Variants in TSC22D4 observed in about 807,000 individuals in gnomAD.
TSC22D4 encodes TSC22 domain family member 4.
TSC22D4 carries 5 observed loss-of-function variants against 24.9 expected under a neutral mutation model. The observed-to-expected ratio is 0.20, with a 90% confidence interval of 0.10 to 0.42. The LOEUF is 0.42. TSC22D4 is among the 10% of genes least tolerant of loss of function. The pLI, the probability that TSC22D4 is intolerant of heterozygous loss-of-function variation, is 1.00. For synonymous variants in TSC22D4, 245 were observed against 243.2 expected, an observed-to-expected ratio of 1.01 and a Z score of -0.07; for missense variants, 469 against 547.9, an observed-to-expected ratio of 0.86 and a Z score of 1.44.
At position 100,467,108 on chromosome 7, in the gene TSC22D4, G is replaced by C; in HGVS notation, c.1039C>G (p.Gln347Glu). The C allele has an allele frequency of 6.2e-7, 1 of 1,614,156 alleles. No homozygotes were observed. The highest frequency in any genetic ancestry group is 8.5e-7 in the Non-Finnish European group (1 of 1,180,014). ...VREEVEVLKE[Q>E]IRELAERNAA... ...TTCCGCTCCGCCAATTCCCGGATCT[G>C]CTCCTTCAGCACCTCCACCTCCTCC... Residue 347 changes from glutamine (Q) to glutamate (E), a missense_variant, in exon 5 of 5, where the codon CAG becomes GAG. Coordinates refer to ENST00000300181, the MANE Select transcript of TSC22D4 (RefSeq NM_030935.5).
intron 1 of TSC22D4, among the ~76,000 whole-genome samples, 187 bp downstream of exon 1, chr7:100,478,607 G>A (rs1046243694): frequency 4.6e-5 from 7 of 152,064 alleles, no homozygotes; most frequent in Non-Finnish European, 8.8e-5. Flanking sequence ...CAGGGGGCCC[G>A]TATTGTCCCA....
chr7:100,478,310 G>T lies in TSC22D4; in HGVS notation c.-269-3C>A. The T allele has an allele frequency of 2.7e-6, 1 of 369,310 alleles. No homozygotes were observed. The highest frequency in any genetic ancestry group is 4.9e-6 in the Non-Finnish European group (1 of 204,098). 22.9% of individuals were successfully genotyped at this position (369,310 alleles called of 1,614,324 possible). On this transcript the variant is annotated splice_polypyrimidine_tract_variant and splice_region_variant and intron_variant, in intron 1 of 4. Coordinates refer to ENST00000300181, the MANE Select transcript of TSC22D4 (RefSeq NM_030935.5). ...AACTCCAGAGCTGAGTTTGCAAACT[G>T]GAAAAAGAGGGGGAGAGAGAGAGAG...
rs536376602 is a variant in TSC22D4, at chr7:100,478,033, G to A, written c.6C>T (p.Ser2=). Residue 2 remains serine (S), a synonymous_variant, in exon 2 of 5, where the codon AGC becomes AGT. Coordinates refer to ENST00000300181, the MANE Select transcript of TSC22D4 (RefSeq NM_030935.5). ...GGAAACTACTCTTCTTCTTGCCCCC[G>A]CTCATGGTCCCTGGGGCTCAGGGCT... M[S]GGKKKSSFQI... 7 of 1,592,230 alleles carry A rather than the reference G, an allele frequency of 4.4e-6. No homozygotes were observed. Among genetic ancestry groups the A allele is most frequent in the African/African-American group, 1.3e-5 (1 of 74,682 alleles).
In TSC22D4 at chr7:100,477,746, C is replaced by T. The variant is rs76850132; in HGVS notation, c.293G>A (p.Arg98Gln). The T allele has an allele frequency of 5.7e-4, 908 of 1,603,742 alleles. 20 individuals are homozygous for T. The East Asian group carries it at 0.02, about 35-fold the overall frequency. The change falls in exon 2 of 5, where the codon CGA (arginine) becomes CAA (glutamine). Residue 98 changes from arginine (R) to glutamine (Q), a missense_variant. Transcript: ENST00000300181. This position sits in a 1 kb window ranked among gnomAD's most constrained non-coding sequence, Gnocchi z 7.8. The part of the protein sequence containing the change: ...GRWTCVDVYE[R>Q]DLEPHSFGGL... ...GCCGAAGCTGTGGGGCTCCAGGTCT[C>T]GCTCATAAACATCCACACACGTCCA...
At chr7:100,475,093 C>G (rs1301635760) in intron 2 of TSC22D4, among the ~76,000 whole-genome samples, 1 of 152,082 alleles carries the variant, frequency 6.6e-6, no homozygotes, top group African/African-American at 2.4e-5. Flanking sequence ...CCACTCCCAG[C>G]CTGTGCCTTT....
rs377605423 is a variant in TSC22D4 at position 100,474,289 on chromosome 7, T to C, written c.914A>G (p.Asp305Gly). The change falls in exon 3 of 5, where the codon GAC becomes GGC. Residue 305 changes from aspartate to glycine, a missense_variant. By Grantham distance (94) the Asp-to-Gly change is moderately conservative. Coordinates refer to ENST00000300181, the MANE Select transcript of TSC22D4 (RefSeq NM_030935.5). This position sits in a 1 kb window ranked among gnomAD's most constrained non-coding sequence, Gnocchi z 4.3. ...HSMLAISGHL[D>G]SDDDSGSGSL... Reference sequence around the variant, plus strand: ...GCCCACCTACCTATCATCGTCGCTGTCTAGGTGACCACTGATGGCCAACAT... The same window carrying C: ...GCCCACCTACCTATCATCGTCGCTGCCTAGGTGACCACTGATGGCCAACAT... 1 of 1,614,022 alleles carries C rather than the reference T, an allele frequency of 6.2e-7. No homozygotes were observed. Among genetic ancestry groups the C allele is most frequent in the South Asian group, 1.1e-5 (1 of 91,080 alleles).
At chr7:100,471,520 A>G (rs957570257) in intron 3 of TSC22D4, among the ~76,000 whole-genome samples, 1 of 152,114 alleles carries the variant, frequency 6.6e-6, no homozygotes, top group African/African-American at 2.4e-5. Context: ...TGGGTGGATC[A>G]CCTGAGGTCA....
chr7:100,467,015 G>GCAGCTGAGC lies in TSC22D4; in HGVS notation c.1123_1131dup (p.Ala375_Leu377dup), dbSNP rs769707872. On this transcript the variant is annotated inframe_insertion, in exon 5 of 5. Transcript: ENST00000300181. ...CCAAGCCGTGGGACCCCCGAGGAGG[G>GCAGCTGAGC]CAGCTGAGCCAGCTGCTCCGGGCTG... The GCAGCTGAGC allele has an allele frequency of 7.5e-6, 12 of 1,609,734 alleles. No homozygotes were observed. Among genetic ancestry groups the GCAGCTGAGC allele is most frequent in the Non-Finnish European group, 1.0e-5 (12 of 1,178,204 alleles).
intron 3 of TSC22D4, chr7:100,467,927 C>A (rs754319951): frequency 2.2e-5 from 12 of 551,518 alleles, no homozygotes; most frequent in Admixed American, 4.5e-5. Context: ...TTGACAGAGA[C>A]CCCTGGCTGG....
rs200896384 is a variant in TSC22D4, at chr7:100,478,044, C to T, written c.-6G>A. 7.7e-5 allele frequency: 122 copies of T among 1,585,668 alleles called. No individual in the cohort carries two copies. The East Asian group carries it at 2.4e-3, about 31-fold the overall frequency. On this transcript the variant is annotated 5_prime_UTR_variant, in exon 2 of 5. Coordinates refer to ENST00000300181, the MANE Select transcript of TSC22D4 (RefSeq NM_030935.5). ...TTCTTCTTGCCCCCGCTCATGGTCCCTGGGGCTCAGGGCTGGGCCAAGGTT... is the reference window on the plus strand; with the variant it reads ...TTCTTCTTGCCCCCGCTCATGGTCCTTGGGGCTCAGGGCTGGGCCAAGGTT...
Position 100,478,044 on chromosome 7 carries a change from C to G in TSC22D4, c.-6G>C. 1 of 1,585,664 alleles carries G rather than the reference C, an allele frequency of 6.3e-7. No individual in the cohort carries two copies. Among genetic ancestry groups the G allele is most frequent in the Non-Finnish European group, 8.6e-7 (1 of 1,168,732 alleles). On this transcript the variant is annotated 5_prime_UTR_variant, in exon 2 of 5. Coordinates refer to ENST00000300181, the MANE Select transcript of TSC22D4 (RefSeq NM_030935.5). ...TTCTTCTTGCCCCCGCTCATGGTCC[C>G]TGGGGCTCAGGGCTGGGCCAAGGTT...
At chr7:100,467,300 GA>G in intron 4 of TSC22D4, 132 bp from the exon 5 acceptor site, 4 of 1,041,124 alleles carry the variant, frequency 3.8e-6, no homozygotes, top group South Asian at 1.3e-5. Context: ...AGGGACAGGG[GA>G]AAAGGACGAG....
At chr7:100,470,126 C>G (rs891095733) in intron 3 of TSC22D4, among the ~76,000 whole-genome samples, 3 of 152,110 alleles carry the variant, frequency 2.0e-5, no homozygotes, top group Non-Finnish European at 4.4e-5. Context: ...ACTGCCACCA[C>G]CCCATTAAAC....
At position 100,477,204 on chromosome 7, in the gene TSC22D4, GAGGAGGA is replaced by G; in HGVS notation, c.762+66_762+72del. The G allele has an allele frequency of 8.5e-7, 1 of 1,176,854 alleles. No homozygotes were observed. The highest frequency in any genetic ancestry group is 1.1e-6 in the Non-Finnish European group (1 of 882,320). The allele number at this position is 1,176,854 out of a possible 1,614,324, so 72.9% of individuals were successfully genotyped here. On this transcript the variant is annotated intron_variant, in intron 2 of 4. Coordinates refer to ENST00000300181, the MANE Select transcript of TSC22D4 (RefSeq NM_030935.5). The surrounding 1 kb of genome is among the most constrained non-coding windows in gnomAD (Gnocchi z 7.8). ...TGGAGAAGGAGGAGGAGAGGGGGGG[GAGGAGGA>G]GGAAGGAGGCTCAAGATAGAGGTTA... is the stretch of plus-strand genomic sequence containing the variant.
In TSC22D4 at chr7:100,477,551, G is replaced by T; in HGVS notation, c.488C>A (p.Ala163Asp). 6.4e-7 allele frequency: 1 copy of T among 1,571,456 alleles called. No individual in the cohort carries two copies. The highest frequency in any genetic ancestry group is 1.8e-5 in the Admixed American group (1 of 54,822). Residue 163 changes from alanine to aspartate, a missense_variant, in exon 2 of 5, where the codon GCC (alanine) becomes GAC (aspartate). Ala to Asp is a moderately radical substitution (Grantham distance 126). Transcript: ENST00000300181. This position sits in a 1 kb window ranked among gnomAD's most constrained non-coding sequence, Gnocchi z 7.8. ...GCCCAGTCCCCCAGTGAAGGAGCGG[G>T]CCTGAGGTCCAGGAGAGGTGGGGGG... ...RPPPTSPGPQ[A>D]RSFTGGLGQL...
In TSC22D4 at chr7:100,478,248, G is replaced by A; in HGVS notation, c.-210C>T. ...GGAGAGGGGAGGTGGCGGGAGGGGG[G>A]AGCAGGGGCAGGTTTTTCCTGCTGC... On this transcript the variant is annotated 5_prime_UTR_variant, in exon 2 of 5. Coordinates refer to ENST00000300181, the MANE Select transcript of TSC22D4 (RefSeq NM_030935.5). 2 of 515,782 alleles carry A rather than the reference G, an allele frequency of 3.9e-6. No individual in the cohort carries two copies. The highest frequency in any genetic ancestry group is 6.9e-6 in the Non-Finnish European group (2 of 289,630). The allele number at this position is 515,782 out of a possible 1,614,324, so 32.0% of individuals were successfully genotyped here.
At position 100,474,149 on chromosome 7, in the gene TSC22D4, C is replaced by G. The variant is rs535062092; in HGVS notation, c.929+125G>C. Reference sequence around the variant, plus strand: ...GTGGCTATGCCCAGGCCAGGTTTCTCTAAGAGGTCCTCTCCAAGTTCAACC... The same window carrying G: ...GTGGCTATGCCCAGGCCAGGTTTCTGTAAGAGGTCCTCTCCAAGTTCAACC... On this transcript the variant is annotated intron_variant, in intron 3 of 4. Transcript: ENST00000300181. The surrounding 1 kb of genome is among the most constrained non-coding windows in gnomAD (Gnocchi z 4.3). 2.1e-3 allele frequency: 2,760 copies of G among 1,322,352 alleles called. 80 individuals are homozygous for G. The South Asian group carries it at 0.034, about 16-fold the overall frequency. 81.9% of individuals were successfully genotyped at this position (1,322,352 alleles called of 1,614,324 possible).
Position 100,478,052 on chromosome 7 carries a change from C to A in TSC22D4, c.-14G>T. On this transcript the variant is annotated 5_prime_UTR_variant, in exon 2 of 5. It introduces an in-frame stop codon into an upstream open reading frame of the 5' UTR. Transcript: ENST00000300181. The stretch of plus-strand genomic sequence containing the variant: ...GCCCCCGCTCATGGTCCCTGGGGCT[C>A]AGGGCTGGGCCAAGGTTGGGGGTGG... The A allele has an allele frequency of 6.3e-7, 1 of 1,582,020 alleles. No individual in the cohort carries two copies.
Position 100,477,190 on chromosome 7 carries a change from G to A in TSC22D4, c.762+87C>T, listed in dbSNP as rs996008275. 4.9e-6 allele frequency: 5 copies of A among 1,026,972 alleles called. No homozygotes were observed. Among genetic ancestry groups the A allele is most frequent in the East Asian group, 5.5e-5 (2 of 36,560 alleles). 63.6% of individuals were successfully genotyped at this position (1,026,972 alleles called of 1,614,324 possible). ...ATCTTATAAAGTGATGGAGAAGGAG[G>A]AGGAGAGGGGGGGGAGGAGGAGGAA... On this transcript the variant is annotated intron_variant, in intron 2 of 4. Transcript: ENST00000300181. This position sits in a 1 kb window ranked among gnomAD's most constrained non-coding sequence, Gnocchi z 7.8.
Sources: allele counts gnomAD v4.1 joint callset (sites outside exome capture counted in the v4.1 genomes callset), GRCh38; gene constraint gnomAD v4.1.1; non-coding constraint Gnocchi (gnomAD v3.1); transcripts MANE v1.5; gene names NCBI Gene and HGNC (gene_info 2026-07-23, HGNC 2026-07-21).